The following CSMD1 variants were observed in gnomAD, a reference collection of about 807,000 sequenced individuals.
CSMD1 encodes CUB and sushi domain-containing protein 1.
CSMD1 carries 213 observed loss-of-function variants against 417.5 expected under a neutral mutation model. The ratio of observed to expected loss-of-function variants is 0.51; its 90% CI spans 0.46 to 0.57. The LOEUF (loss-of-function observed/expected upper bound fraction) is 0.57, where lower values mean the gene tolerates loss of function less well. Among genes scored for constraint, CSMD1 ranks in the 20% least tolerant of loss-of-function variants. The pLI, the probability that CSMD1 is intolerant of heterozygous loss-of-function variation, is 0.00. For missense variants in CSMD1, 6,923 were observed against 4,529.7 expected (o/e 1.53, Z -15.17); for synonymous variants, 2,862 against 1,736.8 (o/e 1.65, Z -16.11).
At chr8:4,022,526 G>A (rs761069728) in intron 4 of CSMD1, among the ~76,000 whole-genome samples, 1 of 152,188 alleles carries the variant, frequency 6.6e-6, no homozygotes, top group Non-Finnish European at 1.5e-5. Context: ...CATTTGAGGT[G>A]AAACTGAGGC....
chr8:3,190,000 T>G lies in CSMD1; in HGVS notation c.5310A>C (p.Gly1770=), dbSNP rs747951910. Residue 1770 remains glycine (G), a synonymous_variant, in exon 34 of 70, where the codon GGA becomes GGC. Coordinates refer to ENST00000635120, the MANE Select transcript of CSMD1 (RefSeq NM_033225.6). ...GCGCCGTGGAACCCTGAAGCAGGTA[T>G]CCCGGGTTGCACTCGAATCGGACGA... ...GSIVRFECNP[G]YLLQGSTALH... is the part of the protein sequence containing the mutation. 4 of 1,599,134 alleles carry G rather than the reference T, an allele frequency of 2.5e-6. No individual in the cohort carries two copies. The South Asian group carries it at 4.6e-5, about 18-fold the overall frequency.
chr8:3,709,678 A>ATCTTTTTTTTTTTTTTTTTT (rs1563296488), intron 6 of CSMD1, among the ~76,000 whole-genome samples: 1 of 24,320 alleles, frequency 4.1e-5, no homozygotes, highest in Non-Finnish European at 8.9e-5. Flanking sequence ...TTGCAGCAGC[A>ATCTTTTTTTTTTTTTTTTTT]TGTTTTTTTT....
At chr8:3,325,771 C>T (rs926783534) in intron 23 of CSMD1, among the ~76,000 whole-genome samples, 1 of 152,118 alleles carries the variant, frequency 6.6e-6, no homozygotes, top group African/African-American at 2.4e-5. Flanking sequence ...TTGCAGTGAG[C>T]CGAGACTGTA....
chr8:3,794,020 CA>C lies in CSMD1; in HGVS notation c.819-39979del, dbSNP rs1399237050. On this transcript the variant is annotated intron_variant, in intron 5 of 69. Transcript: ENST00000635120. ...AACCCCTGCTTATCCCACGCGTAGA[CA>C]GACGAAAGACTTGCTACTCAAATGA... Among the ~76,000 whole-genome samples, 5 of 152,118 alleles carry C rather than the reference CA, an allele frequency of 3.3e-5. No individual in the cohort carries two copies. The East Asian group carries it at 9.7e-4, about 30-fold the overall frequency.
intron 6 of CSMD1, among the ~76,000 whole-genome samples, chr8:3,747,994 G>C (rs1056181417): frequency 6.6e-6 from 1 of 152,080 alleles, no homozygotes; most frequent in South Asian, 2.1e-4. Flanking sequence ...CAAGGTGGAC[G>C]TGATTATTTC....
At chr8:3,712,400 GACAGACAGAC>G (rs763633530) in intron 6 of CSMD1, among the ~76,000 whole-genome samples, 156 of 94,366 alleles carry the variant, frequency 1.7e-3, no homozygotes, top group Non-Finnish European at 2.4e-3. Flanking sequence ...GAGAGAGAGA[GACAGACAGAC>G]AGACAGACAG....
intron 3 of CSMD1, among the ~76,000 whole-genome samples, chr8:4,154,775 G>T (rs1324605346): frequency 6.6e-6 from 1 of 152,152 alleles, no homozygotes; most frequent in African/African-American, 2.4e-5. Flanking sequence ...GAATATCACT[G>T]ATCACAGAGA....
chr8:4,312,717 C>T (rs914360255), intron 3 of CSMD1, among the ~76,000 whole-genome samples: 11 of 151,826 alleles, frequency 7.2e-5, no homozygotes, highest in South Asian at 6.2e-4. Context: ...TTTCTACTAA[C>T]GAAAAAATGA....
intron 2 of CSMD1, among the ~76,000 whole-genome samples, chr8:4,430,011 T>C (rs1018115193): frequency 3.0e-4 from 45 of 152,176 alleles, no homozygotes; most frequent in Non-Finnish European, 1.0e-4. Context: ...TTAAGTGCCT[T>C]CCCACTGAAA....
rs189876656 is a variant in CSMD1 at position 3,747,135 on chromosome 8, G to A, written c.931+6795C>T. Among the ~76,000 whole-genome samples, 51 of 152,328 alleles carry A rather than the reference G, an allele frequency of 3.3e-4. 1 individual carries two copies. Among genetic ancestry groups the A allele is most frequent in the African/African-American group, 1.2e-3 (49 of 41,572 alleles). On this transcript the variant is annotated intron_variant, in intron 6 of 69. Transcript: ENST00000635120. ...ACACAGTTGTAAAGACTGACATGAAGCCAAGAGCACAGCAGCCTGTACTCA... is the reference window on the plus strand; with the variant it reads ...ACACAGTTGTAAAGACTGACATGAAACCAAGAGCACAGCAGCCTGTACTCA...
intron 10 of CSMD1, among the ~76,000 whole-genome samples, chr8:3,569,520 T>G (rs1044402335): frequency 1.3e-5 from 2 of 152,336 alleles, no homozygotes; most frequent in South Asian, 4.1e-4. Context: ...CCTATCTTAT[T>G]TCTTAAAGTT....
intron 3 of CSMD1, 143 bp from the exon 4 acceptor site, chr8:4,032,242 A>AC: frequency 1.7e-6 from 1 of 603,256 alleles, no homozygotes; most frequent in South Asian, 2.4e-5. Flanking sequence ...TTGCTAAAAA[A>AC]TAAACTGAGA....
intron 2 of CSMD1, among the ~76,000 whole-genome samples, chr8:4,541,765 A>G (rs975378285): frequency 2.6e-5 from 4 of 152,142 alleles, no homozygotes; most frequent in African/African-American, 9.7e-5. Flanking sequence ...AAAGAAAAAA[A>G]GAATCACTCT....
At chr8:4,571,052 G>T (rs1014426147) in intron 2 of CSMD1, among the ~76,000 whole-genome samples, 10 of 151,842 alleles carry the variant, frequency 6.6e-5, no homozygotes, top group Non-Finnish European at 1.5e-4. Context: ...TTATTAGTCT[G>T]GCTAGCAGTC....
rs189669763 is a variant in CSMD1 at position 3,976,997 on chromosome 8, G to C, written c.818+20906C>G. Among the ~76,000 whole-genome samples, 433 of 152,294 alleles carry C rather than the reference G, an allele frequency of 2.8e-3. 3 individuals are homozygous for C. Among genetic ancestry groups the C allele is most frequent in the African/African-American group, 0.01 (420 of 41,550 alleles). ...ACACATAGGTATTAGTGTGCAGTGG[G>C]TGGGGGCGTGAAGGTGCCTGCAGGG... On this transcript the variant is annotated intron_variant, in intron 5 of 69. Coordinates refer to ENST00000635120, the MANE Select transcript of CSMD1 (RefSeq NM_033225.6).
intron 5 of CSMD1, among the ~76,000 whole-genome samples, chr8:3,786,952 C>CCGG (rs1451553413): frequency 1.1e-4 from 17 of 152,226 alleles, no homozygotes; most frequent in Non-Finnish European, 4.4e-5. Context: ...TGGATGGACA[C>CCGG]CGGCATTCAA....
intron 29 of CSMD1, among the ~76,000 whole-genome samples, chr8:3,218,229 A>G (rs1054390797): frequency 6.6e-6 from 1 of 152,150 alleles, no homozygotes; most frequent in South Asian, 2.1e-4. Context: ...TGAGGCAGGG[A>G]AGGGTACAGA....
At chr8:3,662,353 C>T (rs777923119) in intron 7 of CSMD1, among the ~76,000 whole-genome samples, 1 of 152,116 alleles carries the variant, frequency 6.6e-6, no homozygotes, top group Non-Finnish European at 1.5e-5. Flanking sequence ...TCTCTCTCCC[C>T]ACTCCTCCTC....
At chr8:4,808,824 T>G (rs1264152457) in intron 1 of CSMD1, among the ~76,000 whole-genome samples, 2 of 152,232 alleles carry the variant, frequency 1.3e-5, no homozygotes, top group Non-Finnish European at 2.9e-5. Flanking sequence ...AAAGTGATAG[T>G]GCTTTCATGA....
Sources: allele counts gnomAD v4.1 joint callset (sites outside exome capture counted in the v4.1 genomes callset), GRCh38; gene constraint gnomAD v4.1.1; transcripts MANE v1.5; gene names NCBI Gene and HGNC (gene_info 2026-07-23, HGNC 2026-07-21).